Variants in NDUFB2 observed in about 807,000 individuals in gnomAD.
NDUFB2 encodes the protein NADH dehydrogenase [ubiquinone] 1 beta subcomplex subunit 2, mitochondrial.
NDUFB2 carries 13 observed loss-of-function variants against 13.4 expected under a neutral mutation model. That is an observed-to-expected ratio of 0.97 (90% CI 0.63 to 1.54). The LOEUF is 1.54. Ranked by LOEUF, NDUFB2 falls within the 40% of genes most tolerant of loss-of-function variation. The probability of loss-of-function intolerance (pLI) is 0.00; values close to 1 mark genes in which losing one functional copy is unlikely to be tolerated. For missense variants in NDUFB2, 150 were observed against 139.7 expected (o/e 1.07, Z -0.37); for synonymous variants, 47 against 50.6 (o/e 0.93, Z 0.30).
chr7:140,698,197 A>T (rs1794844724), intron 1 of NDUFB2: 5 of 1,352,110 alleles, frequency 3.7e-6, no homozygotes, highest in Non-Finnish European at 4.9e-6. Flanking sequence ...GGGCAAAGAC[A>T]GTGATGGAGA....
At chr7:140,705,829 A>G (rs1794959494) in intron 3 of NDUFB2, among the ~76,000 whole-genome samples, 1 of 152,146 alleles carries the variant, frequency 6.6e-6, no homozygotes, top group African/African-American at 2.4e-5. Flanking sequence ...GTATTACTAT[A>G]TAGAACTATA....
rs1459202528 is a variant in NDUFB2 at position 140,703,149 on chromosome 7, C to T, written c.243+139C>T. 4 of 992,598 alleles carry T rather than the reference C, an allele frequency of 4.0e-6. No individual in the cohort carries two copies. The East Asian group carries it at 7.3e-5, about 18-fold the overall frequency. The allele number at this position is 992,598 out of a possible 1,614,324, so 61.5% of individuals were successfully genotyped here. On this transcript the variant is annotated intron_variant, in intron 2 of 3. Coordinates refer to ENST00000247866, the MANE Select transcript of NDUFB2 (RefSeq NM_004546.3). ...CCACCACTTTTTCCATATGTATATA[C>T]AAGAATCCTGTTATTTAATGAAACA...
intron 1 of NDUFB2, chr7:140,697,969 G>A: frequency 7.8e-7 from 1 of 1,283,206 alleles, no homozygotes; most frequent in South Asian, 1.2e-5. Flanking sequence ...CAAAGTGTTG[G>A]GAATACAGGC....
intron 2 of NDUFB2, among the ~76,000 whole-genome samples, chr7:140,703,881 A>G (rs1043948735): frequency 1.3e-5 from 2 of 151,878 alleles, no homozygotes; most frequent in Non-Finnish European, 2.9e-5. Context: ...TCAGCCTCCC[A>G]AGTAGCTGGG....
At chr7:140,705,512 T>C (rs892230711) in intron 3 of NDUFB2, 1 of 152,158 alleles carries the variant, frequency 6.6e-6, no homozygotes, top group Non-Finnish European at 1.5e-5. Flanking sequence ...GGTGTCACTA[T>C]GTTGCCCAGG....
At position 140,697,507 on chromosome 7, in the gene NDUFB2, G is replaced by C. The variant is rs906200869; in HGVS notation, c.98+665G>C. 6.0e-6 allele frequency: 4 copies of C among 671,542 alleles called. No individual in the cohort carries two copies. In the African/African-American group the frequency reaches 7.2e-5, roughly 12 times the overall value. The allele number at this position is 671,542 out of a possible 1,614,324, so 41.6% of individuals were successfully genotyped here. Reference sequence around the variant, plus strand: ...ACGCAGACCGGAGGGCGGAGGGCTGGGGGTGCGAGGTAGGGAGCGGGTGCG... The same window carrying C: ...ACGCAGACCGGAGGGCGGAGGGCTGCGGGTGCGAGGTAGGGAGCGGGTGCG... On this transcript the variant is annotated intron_variant, in intron 1 of 3. Coordinates refer to ENST00000247866, the MANE Select transcript of NDUFB2 (RefSeq NM_004546.3).
intron 2 of NDUFB2, among the ~76,000 whole-genome samples, chr7:140,704,372 T>A (rs1439286374): frequency 6.6e-6 from 1 of 152,202 alleles, no homozygotes; most frequent in Non-Finnish European, 1.5e-5. Context: ...CCTGCCTCAC[T>A]GTAGGTCAGC....
chr7:140,702,941 C>T lies in NDUFB2; in HGVS notation c.174C>T (p.Ser58=), dbSNP rs146262025. 5 of 1,613,884 alleles carry T rather than the reference C, an allele frequency of 3.1e-6. No homozygotes were observed. Among genetic ancestry groups the T allele is most frequent in the Admixed American group, 1.7e-5 (1 of 59,962 alleles). ...TGACCAGATCCCAGGTGTTCCAGAG[C>T]GAGTTCTTCAGCGGACTCATGTGGT... ...PQLTRSQVFQ[S]EFFSGLMWFW... The change falls in exon 2 of 4, where the codon AGC becomes AGT. Residue 58 remains serine (S), a synonymous_variant. Transcript: ENST00000247866.
chr7:140,702,982 G>A lies in NDUFB2; in HGVS notation c.215G>A (p.Arg72His), dbSNP rs779245244. Residue 72 changes from arginine (R) to histidine (H), a missense_variant, in exon 2 of 4, where the codon CGC becomes CAC. Transcript: ENST00000247866. ...CTCATGTGGTTCTGGATTCTCTGGC[G>A]CTTTTGGCATGACTCAGAAGAGGTG... ...SGLMWFWILW[R>H]FWHDSEEVLG... 26 of 1,613,882 alleles carry A rather than the reference G, an allele frequency of 1.6e-5. No homozygotes were observed. Among genetic ancestry groups the A allele is most frequent in the African/African-American group, 6.7e-5 (5 of 74,834 alleles).
chr7:140,701,937 C>G, intron 1 of NDUFB2: 2 of 632,510 alleles, frequency 3.2e-6, no homozygotes, highest in Admixed American at 2.4e-5. Context: ...CTCTCGCAAA[C>G]AAACAAACAA....
In NDUFB2 at chr7:140,705,167, T is replaced by C. The variant is rs534803485; in HGVS notation, c.*29+204T>C. ...CAGACTGGAGTGCAGTGGCGTGATC[T>C]GGGCTCACTGCAACCTCTGCCTTCC... On this transcript the variant is annotated intron_variant, in intron 3 of 3. Transcript: ENST00000247866. 1.2e-5 allele frequency: 4 copies of C among 323,684 alleles called. No homozygotes were observed. The South Asian group carries it at 5.1e-4, about 41-fold the overall frequency. The allele number at this position is 323,684 out of a possible 1,614,324, so 20.1% of individuals were successfully genotyped here.
intron 1 of NDUFB2, chr7:140,700,850 T>G (rs1794887761): frequency 6.6e-6 from 1 of 152,098 alleles, no homozygotes; most frequent in Non-Finnish European, 1.5e-5. Flanking sequence ...ATTTACATAA[T>G]GTAATATCTA....
At chr7:140,699,427 C>T (rs761127564) in intron 1 of NDUFB2, among the ~76,000 whole-genome samples, 1 of 152,166 alleles carries the variant, frequency 6.6e-6, no homozygotes, top group African/African-American at 2.4e-5. Flanking sequence ...ATTAAATTCT[C>T]GGCTTGGGGT....
At chr7:140,696,895 G>A in intron 1 of NDUFB2, 53 bp downstream of exon 1, 7 of 1,517,396 alleles carry the variant, frequency 4.6e-6, no homozygotes, top group Non-Finnish European at 5.4e-6. Flanking sequence ...GGACAGCGCG[G>A]GTCCCTGGGA....
chr7:140,702,180 G>C (rs1794907267), intron 1 of NDUFB2: 7 of 617,852 alleles, frequency 1.1e-5, no homozygotes, highest in Admixed American at 5.1e-5. Flanking sequence ...CTGTTTATTA[G>C]CATATATATG....
intron 1 of NDUFB2, chr7:140,698,070 T>G: frequency 7.6e-7 from 1 of 1,324,492 alleles, no homozygotes; most frequent in Non-Finnish European, 9.9e-7. Context: ...GTTGTTGTTA[T>G]TAAGGAACTG....
In NDUFB2 at chr7:140,702,865, G is replaced by A. The variant is rs113216365; in HGVS notation, c.99-1G>A. 7 of 1,613,930 alleles carry A rather than the reference G, an allele frequency of 4.3e-6. No homozygotes were observed. In the Admixed American group the frequency reaches 5.0e-5, roughly 12 times the overall value. On this transcript the variant is annotated splice_acceptor_variant, in intron 1 of 3. Transcript: ENST00000247866. LOFTEE classifies it high-confidence loss of function. ...GTCTGCCATGTTGTTTTGTCTTGCA[G>A]TGCCGGTGGTGGTGTGCACATTGAG...
intron 1 of NDUFB2, chr7:140,698,196 C>G (rs1225254686): frequency 1.5e-6 from 2 of 1,351,896 alleles, no homozygotes; most frequent in Non-Finnish European, 9.8e-7. Flanking sequence ...TGGGCAAAGA[C>G]AGTGATGGAG....
chr7:140,698,975 C>G (rs1047151046), intron 1 of NDUFB2, among the ~76,000 whole-genome samples: 1 of 151,962 alleles, frequency 6.6e-6, no homozygotes, highest in Admixed American at 6.6e-5. Context: ...CTGGCCAACA[C>G]GGTGAAACCC....
Sources: allele counts gnomAD v4.1 joint callset (sites outside exome capture counted in the v4.1 genomes callset), GRCh38; gene constraint gnomAD v4.1.1; transcripts MANE v1.5; gene names NCBI Gene and HGNC (gene_info 2026-07-23, HGNC 2026-07-21).